Variants in GBF1 observed in about 807,000 individuals in gnomAD.
GBF1 encodes the protein golgi brefeldin A resistant guanine nucleotide exchange factor 1.
GBF1 carries 114 observed loss-of-function variants against 210.5 expected under a neutral mutation model. That is an observed-to-expected ratio of 0.54 (90% CI 0.47 to 0.63). The LOEUF (loss-of-function observed/expected upper bound fraction) is 0.63, where lower values mean the gene tolerates loss of function less well. Among genes scored for constraint, GBF1 ranks in the 30% least tolerant of loss-of-function variants. The pLI is 0.00. For missense variants in GBF1, 1,851 were observed against 2,357.7 expected, an observed-to-expected ratio of 0.79 and a Z score of 4.45; for synonymous variants, 850 against 889.2, an observed-to-expected ratio of 0.96 and a Z score of 0.78.
rs60452124 is a variant in GBF1 at position 102,260,476 on chromosome 10, C to CT, written c.163+383dup. 7.9e-3 allele frequency among the ~76,000 whole-genome samples: 570 copies of CT among 72,430 alleles called. 8 individuals carry two copies. Among genetic ancestry groups the CT allele is most frequent in the East Asian group, 0.038 (86 of 2,268 alleles). The allele number at this position is 72,430 out of a possible 152,430, so 47.5% of individuals were successfully genotyped here. A position where few individuals can be genotyped will look rare whatever the true frequency, so the allele number is the denominator to read the frequency against. On this transcript the variant is annotated intron_variant, in intron 3 of 39. Coordinates refer to ENST00000369983, the MANE Select transcript of GBF1 (RefSeq NM_001377137.1). The stretch of plus-strand genomic sequence containing the variant: ...TGCCTGGCCTATATTTTCCTTTCTT[C>CT]TTTTTTTTTTTTTTTTTTTTTTTGA...
At chr10:102,311,021 G>T (rs1222690356) in intron 3 of GBF1, among the ~76,000 whole-genome samples, 1 of 152,204 alleles carries the variant, frequency 6.6e-6, no homozygotes, top group Non-Finnish European at 1.5e-5. Flanking sequence ...AAAGAAGTTT[G>T]CTGCCACTTA....
intron 29 of GBF1, 53 bp from the exon 30 acceptor site, chr10:102,375,306 G>A: frequency 2.0e-6 from 2 of 1,022,866 alleles, no homozygotes; most frequent in Non-Finnish European, 3.1e-6. Context: ...ACAGGAAGCT[G>A]TGTGCCCACA....
At chr10:102,362,336 A>C (rs993025774) in intron 14 of GBF1, 139 bp from the exon 15 acceptor site, 2 of 636,012 alleles carry the variant, frequency 3.1e-6, no homozygotes, top group Non-Finnish European at 5.5e-6. Flanking sequence ...GATTACAGGC[A>C]TGAGCCACCA....
At chr10:102,251,529 A>G (rs1168296837) in intron 1 of GBF1, among the ~76,000 whole-genome samples, 3 of 152,116 alleles carry the variant, frequency 2.0e-5, no homozygotes, top group Non-Finnish European at 4.4e-5. Context: ...ATAATTATAA[A>G]TTAGTATAAG....
chr10:102,336,367 C>T lies in GBF1; in HGVS notation c.164-7684C>T, dbSNP rs763370469. Among the ~76,000 whole-genome samples the T allele has an allele frequency of 4.7e-5, 7 of 148,746 alleles. No homozygotes were observed. The South Asian group carries it at 1.1e-3, about 23-fold the overall frequency. ...GGTATACAATATAGAGAACACTGGA[C>T]TGCTGTGACTCTAGAGCTAAAAACT... On this transcript the variant is annotated intron_variant, in intron 3 of 39. Transcript: ENST00000369983.
intron 3 of GBF1, among the ~76,000 whole-genome samples, chr10:102,318,596 C>T (rs544894637): frequency 6.6e-6 from 1 of 151,936 alleles, no homozygotes; most frequent in African/African-American, 2.4e-5. Flanking sequence ...TAATAAATTC[C>T]TTCTATTATT....
chr10:102,359,535 T>G (rs2059475582), intron 11 of GBF1, 100 bp downstream of exon 11: 3 of 820,460 alleles, frequency 3.7e-6, no homozygotes, highest in Non-Finnish European at 6.1e-6. Context: ...GACTACTGCC[T>G]GTTGCTCCAA....
At chr10:102,381,027 G>T in intron 38 of GBF1, 100 bp from the exon 39 acceptor site, 2 of 1,136,770 alleles carry the variant, frequency 1.8e-6, no homozygotes, top group East Asian at 2.4e-5. Context: ...TGAATTTATT[G>T]TCTGTGCCCT....
chr10:102,293,769 G>GTTTTTTTTT (rs2076658017), intron 3 of GBF1, among the ~76,000 whole-genome samples: 6 of 27,766 alleles, frequency 2.2e-4, no homozygotes, highest in Non-Finnish European at 3.1e-4. Flanking sequence ...AGTATGTTTT[G>GTTTTTTTTT]TGTTTTTTTT....
chr10:102,354,188 G>A (rs960976539), intron 8 of GBF1, among the ~76,000 whole-genome samples: 2 of 152,154 alleles, frequency 1.3e-5, no homozygotes, highest in African/African-American at 4.8e-5. Flanking sequence ...ACGGGCCTCT[G>A]ATGAGGATTC....
rs371954250 is a variant in GBF1, at chr10:102,375,584, G to A, written c.3886G>A (p.Gly1296Arg). Residue 1296 changes from glycine to arginine, a missense_variant and splice_region_variant, in exon 30 of 40, where the codon GGG (glycine) becomes AGG (arginine). Physicochemically the swap from Gly to Arg is moderately radical, Grantham distance 125. Coordinates refer to ENST00000369983, the MANE Select transcript of GBF1 (RefSeq NM_001377137.1). The part of the protein sequence containing the change: ...ATARADAPDA[G>R]AQSDSELPSY... ...AGCCAGGGCAGATGCACCTGATGCC[G>A]GTAAGCCCTTTCCCAGGGAGACTCA... 5.5e-5 allele frequency: 88 copies of A among 1,597,796 alleles called. No individual in the cohort carries two copies. The highest frequency in any genetic ancestry group is 3.3e-4 in the Middle Eastern group (2 of 6,056).
chr10:102,231,560 G>T, the GBF1 span: 2 of 1,465,632 alleles, frequency 1.4e-6, no homozygotes, highest in African/African-American at 1.4e-5. Flanking sequence ...GCCCGCGCGG[G>T]TGCGAGTCGC....
chr10:102,231,205 A>C, the GBF1 span: 4 of 1,133,766 alleles, frequency 3.5e-6, no homozygotes, highest in Non-Finnish European at 4.8e-6. Flanking sequence ...GCGGTCAATA[A>C]ACGAGATGAG....
chr10:102,325,402 T>C (rs940916635), intron 3 of GBF1, among the ~76,000 whole-genome samples: 5 of 151,798 alleles, frequency 3.3e-5, no homozygotes, highest in Non-Finnish European at 1.5e-5. Flanking sequence ...ATGCAAAAAT[T>C]AGCTAGGCGT....
chr10:102,337,498 T>C (rs2057848723), intron 3 of GBF1, among the ~76,000 whole-genome samples: 1 of 152,082 alleles, frequency 6.6e-6, no homozygotes, highest in Non-Finnish European at 1.5e-5. Context: ...GGATTATAAA[T>C]TCAAATTTGT....
At chr10:102,348,985 T>C (rs1419417988) in intron 4 of GBF1, among the ~76,000 whole-genome samples, 2 of 151,122 alleles carry the variant, frequency 1.3e-5, no homozygotes, top group Admixed American at 6.6e-5. Flanking sequence ...CCCATGTCTA[T>C]AAAAAATACA....
At chr10:102,231,516 C>T in the GBF1 span, 5 of 1,039,702 alleles carry the variant, frequency 4.8e-6, no homozygotes, top group African/African-American at 3.2e-5. Flanking sequence ...GGGGTGGAAC[C>T]GCTGGCCTCC....
upstream of GBF1, among the ~76,000 whole-genome samples, chr10:102,243,552 G>A (rs111833602): frequency 4.3e-3 from 660 of 152,280 alleles, 3 homozygotes; most frequent in African/African-American, 0.013. Context: ...AGATATTGGC[G>A]AGCAGAAATT....
intron 3 of GBF1, among the ~76,000 whole-genome samples, chr10:102,301,950 G>A (rs1376793264): frequency 1.3e-5 from 2 of 152,204 alleles, no homozygotes; most frequent in East Asian, 1.9e-4. Flanking sequence ...CCGAGATCAC[G>A]CCACTGCACT....
Sources: allele counts gnomAD v4.1 joint callset (sites outside exome capture counted in the v4.1 genomes callset), GRCh38; gene constraint gnomAD v4.1.1; transcripts MANE v1.5; gene names NCBI Gene and HGNC (gene_info 2026-07-23, HGNC 2026-07-21).